The following RAD54L2 variants were observed in gnomAD, a reference collection of about 807,000 sequenced individuals.
The protein encoded by RAD54L2 is helicase ARIP4.
In RAD54L2, 27 loss-of-function variants were observed where a neutral mutation model predicts 138.4. The observed-to-expected ratio is 0.20, with a 90% CI of 0.14 to 0.27. RAD54L2 has a LOEUF of 0.27. Among genes scored for constraint, RAD54L2 ranks in the 10% least tolerant of loss-of-function variants. The pLI, the probability that RAD54L2 is intolerant of heterozygous loss-of-function variation, is 1.00. For synonymous variants in RAD54L2, 644 were observed against 723.2 expected (o/e 0.89, Z 1.76); for missense variants, 1,396 against 1,890.2 (o/e 0.74, Z 4.85).
chr3:51,657,028 C>T (rs1038798592), intron 20 of RAD54L2, among the ~76,000 whole-genome samples: 7 of 152,168 alleles, frequency 4.6e-5, no homozygotes, highest in African/African-American at 1.7e-4. Context: ...TGAGCCATTG[C>T]ACCCGGCCAA....
chr3:51,611,460 C>G (rs1700327885), intron 3 of RAD54L2: 2 of 152,150 alleles, frequency 1.3e-5, no homozygotes, highest in East Asian at 3.9e-4. Flanking sequence ...TTCAATGCCT[C>G]AAAGTAGGTG....
chr3:51,552,574 T>A (rs1698866412), intron 2 of RAD54L2, among the ~76,000 whole-genome samples: 1 of 148,398 alleles, frequency 6.7e-6, no homozygotes, highest in South Asian at 2.1e-4. Context: ...TTTTTTTTTT[T>A]TTTTTTTTTT....
At chr3:51,608,097 C>G (rs1164770284) in intron 3 of RAD54L2, among the ~76,000 whole-genome samples, 1 of 151,148 alleles carries the variant, frequency 6.6e-6, no homozygotes, top group Non-Finnish European at 1.5e-5. Context: ...GGAGGGGCTC[C>G]TCACTTCTCA....
At chr3:51,632,987 A>T (rs1021633426) in intron 7 of RAD54L2, among the ~76,000 whole-genome samples, 4 of 151,820 alleles carry the variant, frequency 2.6e-5, no homozygotes, top group Non-Finnish European at 5.9e-5. Flanking sequence ...TGAGAGACCG[A>T]GGGGGGCAGG....
At chr3:51,615,979 T>A (rs761421120) in intron 3 of RAD54L2, among the ~76,000 whole-genome samples, 15 of 152,156 alleles carry the variant, frequency 9.9e-5, no homozygotes, top group Non-Finnish European at 1.5e-5. Flanking sequence ...TCTAATTTCT[T>A]CTTTTTCAAA....
Position 51,668,086 on chromosome 3 carries a change from AGT to A in RAD54L2, c.*4681_*4682del, listed in dbSNP as rs796870566. Reference sequence around the variant, plus strand: ...CCAGCTGTGTGTGTGTGTGTGTGTGAGTGTGTGTGTGTGTGTTTGTGTGCTGT... The same window carrying A: ...CCAGCTGTGTGTGTGTGTGTGTGTGAGTGTGTGTGTGTGTTTGTGTGCTGT... On this transcript the variant is annotated 3_prime_UTR_variant, in exon 23 of 23. Transcript: ENST00000684192. 103 of 146,510 alleles carry A rather than the reference AGT, an allele frequency of 7.0e-4. No homozygotes were observed. The highest frequency in any genetic ancestry group is 1.3e-3 in the African/African-American group (51 of 38,702). 9.1% of individuals were successfully genotyped at this position (146,510 alleles called of 1,614,324 possible).
chr3:51,640,733 G>T (rs1701112116), intron 14 of RAD54L2, among the ~76,000 whole-genome samples: 1 of 152,174 alleles, frequency 6.6e-6, no homozygotes, highest in Non-Finnish European at 1.5e-5. Context: ...ATGGTATCTT[G>T]GAAGCAGTCG....
chr3:51,565,502 G>T (rs1293408343), intron 2 of RAD54L2, among the ~76,000 whole-genome samples: 1 of 152,132 alleles, frequency 6.6e-6, no homozygotes, highest in Non-Finnish European at 1.5e-5. Context: ...TTGAGATGGC[G>T]TCTTACTCTG....
chr3:51,583,325 G>A (rs1156603222), intron 2 of RAD54L2, among the ~76,000 whole-genome samples: 1 of 152,146 alleles, frequency 6.6e-6, no homozygotes, highest in Non-Finnish European at 1.5e-5. Context: ...ACACAGAAAT[G>A]TAGTTGGAAA....
Position 51,635,680 on chromosome 3 carries a change from C to T in RAD54L2, c.1230C>T (p.Leu410=). ...TGGGGTACGAGATGTACAGACTCCT[C>T]ACTCTGAAGAAATCATTTGCCACAG... ...LLMGYEMYRL[L]TLKKSFATGR... is the part of the protein sequence containing the mutation. The change falls in exon 10 of 23, where the codon CTC becomes CTT. Residue 410 remains leucine (L), a synonymous_variant. Coordinates refer to ENST00000684192, the MANE Select transcript of RAD54L2 (RefSeq NM_015106.4). 2 of 1,613,902 alleles carry T rather than the reference C, an allele frequency of 1.2e-6. No individual in the cohort carries two copies. Among genetic ancestry groups the T allele is most frequent in the Non-Finnish European group, 1.7e-6 (2 of 1,179,860 alleles).
chr3:51,574,594 C>T (rs1292741239), intron 2 of RAD54L2, among the ~76,000 whole-genome samples: 11 of 152,074 alleles, frequency 7.2e-5, no homozygotes, highest in Non-Finnish European at 1.5e-4. Context: ...CTCTGATGGC[C>T]AGTGATGATG....
At position 51,544,397 on chromosome 3, in the gene RAD54L2, G is replaced by A. The variant is rs1442630834; in HGVS notation, c.-55+2747G>A. ...TTGTTCATAATTTTGAGGCTGGAGG[G>A]CTATTACTTGCTTTTTTGGGTCTTG... On this transcript the variant is annotated intron_variant, in intron 2 of 22. Coordinates refer to ENST00000684192, the MANE Select transcript of RAD54L2 (RefSeq NM_015106.4). Among the ~76,000 whole-genome samples, 3 of 152,134 alleles carry A rather than the reference G, an allele frequency of 2.0e-5. No individual in the cohort carries two copies. In the East Asian group the frequency reaches 5.8e-4, roughly 29 times the overall value.
chr3:51,609,159 G>A lies in RAD54L2; in HGVS notation c.140-18394G>A, dbSNP rs532839015. On this transcript the variant is annotated intron_variant, in intron 3 of 22. Transcript: ENST00000684192. ...CCCAAAGTGCTGGGATTACAGGTGT[G>A]AGCCACCGCGCCCAGCCTGTTTTAT... Among the ~76,000 whole-genome samples, 4 of 152,292 alleles carry A rather than the reference G, an allele frequency of 2.6e-5. No homozygotes were observed. In the East Asian group the frequency reaches 7.7e-4, roughly 29 times the overall value.
In RAD54L2 at chr3:51,641,750, C is replaced by G; in HGVS notation, c.2233C>G (p.Gln745Glu). 6.4e-7 allele frequency: 1 copy of G among 1,573,558 alleles called. No homozygotes were observed. The highest frequency in any genetic ancestry group is 8.6e-7 in the Non-Finnish European group (1 of 1,156,420). ...TGAACGAAATGTTTTCTGTTTCAGCCAGAGTCTTTCCACCTTGGCTCTCAT... is the reference window on the plus strand; with the variant it reads ...TGAACGAAATGTTTTCTGTTTCAGCGAGAGTCTTTCCACCTTGGCTCTCAT... ...KLGDKILVFS[Q>E]SLSTLALIEE... The change falls in exon 15 of 23, where the codon CAG becomes GAG. Residue 745 changes from glutamine to glutamate, a missense_variant and splice_region_variant. Physicochemically the swap from Gln to Glu is conservative, Grantham distance 29. This residue lies in a region of RAD54L2 where 211 missense variants were observed against 273.8 expected (regional missense o/e 0.77). Transcript: ENST00000684192.
chr3:51,567,506 G>C (rs1699243851), intron 2 of RAD54L2, among the ~76,000 whole-genome samples: 1 of 152,030 alleles, frequency 6.6e-6, no homozygotes, highest in Non-Finnish European at 1.5e-5. Context: ...TGCAAAAATG[G>C]AATCAGTAGG....
rs1701892693 is a variant in RAD54L2 at position 51,665,436 on chromosome 3, A to C, written c.*2016A>C. On this transcript the variant is annotated 3_prime_UTR_variant, in exon 23 of 23. Coordinates refer to ENST00000684192, the MANE Select transcript of RAD54L2 (RefSeq NM_015106.4). ...GACAAGGAGATGATGGATGGGGTGCATGTGTATATGTGTGTTTGTCTGCTG... is the reference window on the plus strand; with the variant it reads ...GACAAGGAGATGATGGATGGGGTGCCTGTGTATATGTGTGTTTGTCTGCTG... 1 of 152,178 alleles carries C rather than the reference A, an allele frequency of 6.6e-6. No homozygotes were observed. Among genetic ancestry groups the C allele is most frequent in the Admixed American group, 6.5e-5 (1 of 15,282 alleles). The allele number at this position is 152,178 out of a possible 1,614,324, so 9.4% of individuals were successfully genotyped here.
intron 19 of RAD54L2, among the ~76,000 whole-genome samples, chr3:51,649,049 A>C (rs1413990843): frequency 6.6e-6 from 1 of 152,016 alleles, no homozygotes; most frequent in Non-Finnish European, 1.5e-5. Flanking sequence ...GAAGCTAAAA[A>C]CCTTGAAAAA....
At chr3:51,544,060 T>C (rs1397905277) in intron 2 of RAD54L2, among the ~76,000 whole-genome samples, 1 of 152,160 alleles carries the variant, frequency 6.6e-6, no homozygotes, top group Non-Finnish European at 1.5e-5. Context: ...CTTTTTACCA[T>C]GTTTTGGTGT....
At chr3:51,652,677 G>C (rs1427363626) in intron 19 of RAD54L2, among the ~76,000 whole-genome samples, 1 of 152,182 alleles carries the variant, frequency 6.6e-6, no homozygotes, top group East Asian at 1.9e-4. Context: ...AAGAAATGGG[G>C]AAAGGATTCC....
Sources: allele counts gnomAD v4.1 joint callset (sites outside exome capture counted in the v4.1 genomes callset), GRCh38; gene constraint gnomAD v4.1.1; regional missense constraint gnomAD v4.1.1; transcripts MANE v1.5; gene names NCBI Gene and HGNC (gene_info 2026-07-23, HGNC 2026-07-21).